Variants in SENP7 observed in about 807,000 individuals in gnomAD.
SENP7 encodes the protein sentrin-specific protease 7.
In SENP7, 64 loss-of-function variants were observed where a neutral mutation model predicts 141.2. That is an observed-to-expected ratio of 0.45 (90% CI 0.37 to 0.56). The LOEUF (loss-of-function observed/expected upper bound fraction) is 0.56. Ranked by LOEUF, SENP7 falls within the 20% of genes least tolerant of loss-of-function variation. The probability of loss-of-function intolerance (pLI) is 0.00; values close to 1 mark genes in which losing one functional copy is unlikely to be tolerated. For missense variants in SENP7, 1,025 were observed against 1,212.2 expected, an observed-to-expected ratio of 0.85 and a Z score of 2.29; for synonymous variants, 382 against 426.4, an observed-to-expected ratio of 0.90 and a Z score of 1.28.
At position 101,454,582 on chromosome 3, in the gene SENP7, G is replaced by T. The variant is rs1346309668; in HGVS notation, c.284+4373C>A. ...CACTTGCAAACACTTGTATAGGAAT[G>T]TTTATGACAATATTATTCATAATAG... On this transcript the variant is annotated intron_variant, in intron 4 of 23. Transcript: ENST00000394095. Among the ~76,000 whole-genome samples, 3 of 152,232 alleles carry T rather than the reference G, an allele frequency of 2.0e-5. No individual in the cohort carries two copies. The East Asian group carries it at 5.8e-4, about 29-fold the overall frequency.
intron 12 of SENP7, among the ~76,000 whole-genome samples, chr3:101,350,857 AT>A (rs1300607493): frequency 6.6e-6 from 1 of 151,966 alleles, no homozygotes; most frequent in African/African-American, 2.4e-5. Context: ...TGCCCTTTAT[AT>A]TCTTAATACT....
At chr3:101,484,032 A>G (rs2064621309) in intron 3 of SENP7, among the ~76,000 whole-genome samples, 2 of 152,200 alleles carry the variant, frequency 1.3e-5, no homozygotes, top group Admixed American at 6.5e-5. Flanking sequence ...GTCTAAAAAA[A>G]AAAATTAACT....
intron 6 of SENP7, among the ~76,000 whole-genome samples, chr3:101,372,840 CT>C (rs2060217607): frequency 6.6e-6 from 1 of 151,826 alleles, no homozygotes; most frequent in African/African-American, 2.4e-5. Context: ...TATAATACTT[CT>C]TTAAAAACAA....
At chr3:101,483,782 G>T (rs1016997948) in intron 3 of SENP7, among the ~76,000 whole-genome samples, 2 of 152,174 alleles carry the variant, frequency 1.3e-5, no homozygotes, top group African/African-American at 2.4e-5. Context: ...AGCAGTTTGG[G>T]AGGCCGAGGC....
chr3:101,501,376 G>T (rs916105808), intron 1 of SENP7, among the ~76,000 whole-genome samples: 2 of 151,134 alleles, frequency 1.3e-5, no homozygotes, highest in African/African-American at 4.9e-5. Flanking sequence ...AATGACAATA[G>T]AAAAGAAAGA....
At chr3:101,490,835 T>C (rs1446440934) in intron 3 of SENP7, among the ~76,000 whole-genome samples, 1 of 152,168 alleles carries the variant, frequency 6.6e-6, no homozygotes, top group African/African-American at 2.4e-5. Flanking sequence ...GGCAAGATAC[T>C]TGCACAGCCT....
In SENP7 at chr3:101,397,123, G is replaced by A. The variant is rs538646469; in HGVS notation, c.677+1738C>T. ...CTCCCAAAGTGCTGGGATTACAGGC[G>A]TGAGCCACCATACCCGGCTGTTGTT... On this transcript the variant is annotated intron_variant, in intron 6 of 23. Coordinates refer to ENST00000394095, the MANE Select transcript of SENP7 (RefSeq NM_020654.5). Among the ~76,000 whole-genome samples, 41 of 151,880 alleles carry A rather than the reference G, an allele frequency of 2.7e-4. No homozygotes were observed. In the East Asian group the frequency reaches 3.3e-3, roughly 12 times the overall value.
Position 101,332,038 on chromosome 3 carries a change from G to A in SENP7, c.2645C>T (p.Thr882Ile). 3 of 1,613,546 alleles carry A rather than the reference G, an allele frequency of 1.9e-6. No homozygotes were observed. The highest frequency in any genetic ancestry group is 2.5e-6 in the Non-Finnish European group (3 of 1,179,686). ...EEAVYEDFPQ[T>I]VSQQSQAQQS... Reference sequence around the variant, plus strand: ...CTGAGCCTGGGACTGCTGGGATACAGTTTGTGGAAAATCTTCATACACAGC... The same window carrying A: ...CTGAGCCTGGGACTGCTGGGATACAATTTGTGGAAAATCTTCATACACAGC... The change falls in exon 19 of 24, where the codon ACT (threonine) becomes ATT (isoleucine). Residue 882 changes from threonine to isoleucine, a missense_variant. By Grantham distance (89) the Thr-to-Ile change is moderately conservative (BLOSUM62 -1). This residue lies in a region of SENP7 where 295 missense variants were observed against 459.1 expected (regional missense o/e 0.64). Coordinates refer to ENST00000394095, the MANE Select transcript of SENP7 (RefSeq NM_020654.5).
chr3:101,370,338 CCTGAA>C (rs2107423367), intron 7 of SENP7, among the ~76,000 whole-genome samples: 1 of 152,144 alleles, frequency 6.6e-6, no homozygotes, highest in South Asian at 2.1e-4. Context: ...CTTGATAGTA[CCTGAA>C]CTGAGCCCAC....
At chr3:101,378,731 C>T (rs2060409833) in intron 6 of SENP7, among the ~76,000 whole-genome samples, 1 of 151,536 alleles carries the variant, frequency 6.6e-6, no homozygotes, top group South Asian at 2.1e-4. Context: ...AATAAATGCC[C>T]AAAAAATAAC....
chr3:101,424,286 G>A lies in SENP7; in HGVS notation c.285-6496C>T, dbSNP rs116077689. 4.8e-3 allele frequency among the ~76,000 whole-genome samples: 732 copies of A among 152,102 alleles called. 4 individuals carry two copies. Among genetic ancestry groups the A allele is most frequent in the African/African-American group, 8.9e-3 (369 of 41,516 alleles). On this transcript the variant is annotated intron_variant, in intron 4 of 23. Coordinates refer to ENST00000394095, the MANE Select transcript of SENP7 (RefSeq NM_020654.5). Reference sequence around the variant, plus strand: ...AAGCCTGCCACTCCCTCCACACACCGCAGCTTCCCCTTGGCCCATGGCAAC... The same window carrying A: ...AAGCCTGCCACTCCCTCCACACACCACAGCTTCCCCTTGGCCCATGGCAAC...
chr3:101,496,812 A>G (rs1173093184), intron 2 of SENP7, among the ~76,000 whole-genome samples: 1 of 152,136 alleles, frequency 6.6e-6, no homozygotes, highest in East Asian at 1.9e-4. Context: ...TCCTGACCTC[A>G]AGTGATCCAC....
intron 3 of SENP7, among the ~76,000 whole-genome samples, chr3:101,463,115 C>T (rs1292882378): frequency 6.6e-6 from 1 of 151,634 alleles, no homozygotes; most frequent in Non-Finnish European, 1.5e-5. Flanking sequence ...CCTGTAATCC[C>T]AACACTTTGG....
intron 4 of SENP7, among the ~76,000 whole-genome samples, chr3:101,436,571 T>C (rs1429566691): frequency 6.6e-6 from 1 of 151,720 alleles, no homozygotes; most frequent in Non-Finnish European, 1.5e-5. Context: ...CAAACAACCC[T>C]ACAGGAAACA....
chr3:101,351,133 T>C (rs894798433), intron 12 of SENP7, among the ~76,000 whole-genome samples: 1 of 152,004 alleles, frequency 6.6e-6, no homozygotes, highest in African/African-American at 2.4e-5. Context: ...CTTAGTGTCA[T>C]AATTTATTCT....
At chr3:101,490,778 T>C (rs1002118974) in intron 3 of SENP7, among the ~76,000 whole-genome samples, 1 of 152,112 alleles carries the variant, frequency 6.6e-6, no homozygotes, top group Non-Finnish European at 1.5e-5. Context: ...TCTCTTCCAT[T>C]GAAAACCACT....
chr3:101,506,019 A>ATTTTTTTTTTTTTTTTTTTTTTTTTT, intron 1 of SENP7, among the ~76,000 whole-genome samples: 1 of 142,126 alleles, frequency 7.0e-6, no homozygotes. Context: ...TTTATTCCAT[A>ATTTTTTTTTTTTTTTTTTTTTTTTTT]ATTTTTTTTT....
At chr3:101,374,353 T>C (rs1449141793) in intron 6 of SENP7, among the ~76,000 whole-genome samples, 1 of 152,222 alleles carries the variant, frequency 6.6e-6, no homozygotes, top group Non-Finnish European at 1.5e-5. Context: ...ATAAAACTCT[T>C]AGAAGAATGC....
chr3:101,480,192 A>G (rs1391075192), intron 3 of SENP7, among the ~76,000 whole-genome samples: 1 of 152,180 alleles, frequency 6.6e-6, no homozygotes, highest in Non-Finnish European at 1.5e-5. Flanking sequence ...ATTTGTATGG[A>G]AACAAGAATC....
Sources: allele counts gnomAD v4.1 joint callset (sites outside exome capture counted in the v4.1 genomes callset), GRCh38; gene constraint gnomAD v4.1.1; regional missense constraint gnomAD v4.1.1; transcripts MANE v1.5; gene names NCBI Gene and HGNC (gene_info 2026-07-23, HGNC 2026-07-21).